Variants in ADGRG3 observed in about 807,000 individuals in gnomAD.
ADGRG3 encodes G protein-coupled receptor 97.
Under a neutral mutation model 54.3 loss-of-function variants are expected in ADGRG3, and 39 were observed. The ratio of observed to expected loss-of-function variants is 0.72; its 90% confidence interval spans 0.56 to 0.94. ADGRG3 has a LOEUF of 0.94. ADGRG3 is among the 40% of genes least tolerant of loss of function. The probability of loss-of-function intolerance (pLI) is 0.00; values close to 1 mark genes in which losing one functional copy is unlikely to be tolerated. For missense variants in ADGRG3, 654 were observed against 694.6 expected (o/e 0.94, Z 0.66); for synonymous variants, 312 against 290.0 (o/e 1.08, Z -0.77).
intron 1 of ADGRG3, among the ~76,000 whole-genome samples, chr16:57,670,612 A>G (rs1373455511): frequency 2.0e-5 from 3 of 151,994 alleles, no homozygotes; most frequent in African/African-American, 7.3e-5. Context: ...AGATCATACT[A>G]TATTCATGCT....
chr16:57,685,723 G>T lies in ADGRG3; in HGVS notation c.1337G>T (p.Gly446Val). ...TACTTCCTCATCACCTTCCTCTTTGGCATGGTGGTCCTGGCCCTGGTGGTC... is the reference window on the plus strand; with the variant it reads ...TACTTCCTCATCACCTTCCTCTTTGTCATGGTGGTCCTGGCCCTGGTGGTC... Reference protein sequence around the residue: ...HGYFLITFLFGMVVLALVVWK... With the variant: ...HGYFLITFLFVMVVLALVVWK... The change falls in exon 11 of 12, where the codon GGC becomes GTC. Residue 446 changes from glycine (G) to valine (V), a missense_variant. By Grantham distance (109) the Gly-to-Val change is moderately radical. Transcript: ENST00000333493. 1 of 1,614,152 alleles carries T rather than the reference G, an allele frequency of 6.2e-7. No homozygotes were observed. Among genetic ancestry groups the T allele is most frequent in the Non-Finnish European group, 8.5e-7 (1 of 1,180,032 alleles).
At position 57,678,450 on chromosome 16, in the gene ADGRG3, T is replaced by G. The variant is rs113726007; in HGVS notation, c.492+134T>G. 2.8e-3 allele frequency: 2,297 copies of G among 821,904 alleles called. 39 individuals carry two copies. In the African/African-American group the frequency reaches 0.035, roughly 13 times the overall value. The allele number at this position is 821,904 out of a possible 1,614,324, so 50.9% of individuals were successfully genotyped here. On this transcript the variant is annotated intron_variant, in intron 4 of 11. Transcript: ENST00000333493. ...GCAGTGAGCCTCTTAGTGTTTCTAA[T>G]GCAGCCCGTGGCCATCTCAGACACC... is the stretch of plus-strand genomic sequence containing the variant.
At chr16:57,672,034 G>T (rs1435319023) in intron 1 of ADGRG3, among the ~76,000 whole-genome samples, 4 of 151,880 alleles carry the variant, frequency 2.6e-5, no homozygotes, top group Non-Finnish European at 4.4e-5. Context: ...GGAAAAACTA[G>T]CCAGGCATGG....
At chr16:57,669,484 T>C (rs2048113967) in intron 1 of ADGRG3, among the ~76,000 whole-genome samples, 1 of 152,202 alleles carries the variant, frequency 6.6e-6, no homozygotes, top group Non-Finnish European at 1.5e-5. Flanking sequence ...CCAGGGCTCA[T>C]GGGCGTCCTC....
intron 10 of ADGRG3, among the ~76,000 whole-genome samples, chr16:57,685,214 T>A (rs560744174): frequency 6.6e-6 from 1 of 152,036 alleles, no homozygotes; most frequent in South Asian, 2.1e-4. Context: ...GCTGGAGGGG[T>A]CACAAAGGTG....
At chr16:57,687,465 T>G (rs1311494075) in intron 11 of ADGRG3, among the ~76,000 whole-genome samples, 1 of 152,206 alleles carries the variant, frequency 6.6e-6, no homozygotes, top group Admixed American at 6.5e-5. Flanking sequence ...CTGGTCAGGC[T>G]GGTCTCAAAC....
chr16:57,668,202 G>T, upstream of ADGRG3: 1 of 651,710 alleles, frequency 1.5e-6, no homozygotes, highest in Non-Finnish European at 2.6e-6. Flanking sequence ...CCAACCAATG[G>T]CGCCATCGAG....
chr16:57,688,408 G>T lies in ADGRG3; in HGVS notation c.1597G>T (p.Val533Phe). The T allele has an allele frequency of 1.9e-6, 3 of 1,613,788 alleles. No individual in the cohort carries two copies. The highest frequency in any genetic ancestry group is 2.5e-6 in the Non-Finnish European group (3 of 1,179,722). The change falls in exon 12 of 12, where the codon GTC becomes TTC. Residue 533 changes from valine (V) to phenylalanine (F), a missense_variant. By Grantham distance (50) the Val-to-Phe change is conservative. Transcript: ENST00000333493. ...ILYLPSQSTT[V>F]SSSTARLDQA... ...TTACCTCCCAAGTCAGAGCACCACAGTCTCCTCCTCTACTGCAAGATTGGA... is the reference window on the plus strand; with the variant it reads ...TTACCTCCCAAGTCAGAGCACCACATTCTCCTCCTCTACTGCAAGATTGGA...
chr16:57,667,916 A>G (rs767471158), upstream of ADGRG3, among the ~76,000 whole-genome samples: 3 of 152,206 alleles, frequency 2.0e-5, no homozygotes, highest in Non-Finnish European at 4.4e-5. Context: ...TTCACTTTAC[A>G]GAGGAGGAAA....
chr16:57,683,057 C>A (rs141279792), intron 8 of ADGRG3, among the ~76,000 whole-genome samples: 32 of 152,226 alleles, frequency 2.1e-4, no homozygotes, highest in Admixed American at 9.2e-4. Flanking sequence ...CAGAAGGAAA[C>A]CTCCAAGGGG....
Position 57,673,370 on chromosome 16 carries a change from C to A in ADGRG3, c.108C>A (p.Asn36Lys), listed in dbSNP as rs2048197425. 1.2e-6 allele frequency: 2 copies of A among 1,613,830 alleles called. No individual in the cohort carries two copies. Among genetic ancestry groups the A allele is most frequent in the African/African-American group, 1.3e-5 (1 of 74,930 alleles). ...EGPRNTCLGS[N>K]NMYDIFNLND... ...CAAGAAACACCTGCCTGGGGAGCAACAACATGTACGACATCTTCAACTTGA... is the reference window on the plus strand; with the variant it reads ...CAAGAAACACCTGCCTGGGGAGCAAAAACATGTACGACATCTTCAACTTGA... Residue 36 changes from asparagine to lysine, a missense_variant, in exon 2 of 12, where the codon AAC (asparagine) becomes AAA (lysine). Coordinates refer to ENST00000333493, the MANE Select transcript of ADGRG3 (RefSeq NM_170776.5).
intron 1 of ADGRG3, among the ~76,000 whole-genome samples, chr16:57,670,162 AC>A (rs2048128198): frequency 2.0e-5 from 3 of 151,926 alleles, no homozygotes; most frequent in Non-Finnish European, 2.9e-5. Context: ...CCACTTGCTG[AC>A]CCCCAAATGA....
At chr16:57,676,589 G>T (rs2048268408) in intron 3 of ADGRG3, among the ~76,000 whole-genome samples, 2 of 152,210 alleles carry the variant, frequency 1.3e-5, no homozygotes, top group Non-Finnish European at 2.9e-5. Context: ...CTGGGTTTAT[G>T]CTGGTCTGGA....
chr16:57,672,781 C>T (rs1393729784), intron 1 of ADGRG3, among the ~76,000 whole-genome samples: 2 of 152,192 alleles, frequency 1.3e-5, no homozygotes, highest in Non-Finnish European at 2.9e-5. Context: ...GTATTTTCTA[C>T]CTGTCCCAGG....
At position 57,683,483 on chromosome 16, in the gene ADGRG3, G is replaced by A. The variant is rs59431531; in HGVS notation, c.882-449G>A. On this transcript the variant is annotated intron_variant, in intron 8 of 11. Coordinates refer to ENST00000333493, the MANE Select transcript of ADGRG3 (RefSeq NM_170776.5). ...TTACTGGTTTGGTCCGGATCTTGCC[G>A]GCCACGGGGTCCCTTTTTTATGTCA... Among the ~76,000 whole-genome samples, 1,493 of 152,206 alleles carry A rather than the reference G, an allele frequency of 9.8e-3. 24 individuals carry two copies. Among genetic ancestry groups the A allele is most frequent in the African/African-American group, 0.034 (1,391 of 41,502 alleles).
chr16:57,684,166 C>T lies in ADGRG3; in HGVS notation c.1116C>T (p.Asn372=). Residue 372 remains asparagine, a synonymous_variant, in exon 9 of 12, where the codon AAC becomes AAT. Transcript: ENST00000333493. The part of the protein sequence containing the change: ...HLYLLAVRVF[N]TYFGHYFLKL... ...ACCTGCTCGCTGTCAGGGTCTTCAA[C>T]ACCTACTTCGGGCACTACTTCCTGA... 6.2e-7 allele frequency: 1 copy of T among 1,614,002 alleles called. No individual in the cohort carries two copies. Among genetic ancestry groups the T allele is most frequent in the Non-Finnish European group, 8.5e-7 (1 of 1,179,928 alleles).
At chr16:57,682,471 C>A in intron 8 of ADGRG3, 1 of 984,862 alleles carries the variant, frequency 1.0e-6, no homozygotes, top group Non-Finnish European at 1.2e-6. Flanking sequence ...TGCCCCTCAC[C>A]CCCACCCTCC....
chr16:57,680,712 C>T (rs1597772911), intron 8 of ADGRG3, 95 bp downstream of exon 8: 1 of 811,302 alleles, frequency 1.2e-6, no homozygotes, highest in East Asian at 2.6e-5. Context: ...CAGCCTCTGA[C>T]CGTTGTCCCC....
At chr16:57,670,063 G>A (rs1028322754) in intron 1 of ADGRG3, among the ~76,000 whole-genome samples, 1 of 152,196 alleles carries the variant, frequency 6.6e-6, no homozygotes, top group Non-Finnish European at 1.5e-5. Flanking sequence ...TTTGCTCACG[G>A]TGAGCCAGCA....
Sources: allele counts gnomAD v4.1 joint callset (sites outside exome capture counted in the v4.1 genomes callset), GRCh38; gene constraint gnomAD v4.1.1; transcripts MANE v1.5; gene names NCBI Gene and HGNC (gene_info 2026-07-23, HGNC 2026-07-21).